Variants in DST observed in about 807,000 individuals in gnomAD.
DST encodes the protein dystonin, also known as bullous pemphigoid antigen.
DST carries 253 observed loss-of-function variants against 875.2 expected under a neutral mutation model. That is an observed-to-expected ratio of 0.29 (90% CI 0.26 to 0.32). DST has a LOEUF of 0.32. DST is among the 10% of genes least tolerant of loss of function. The pLI is 1.00. For missense variants in DST, 8,287 were observed against 9,111.6 expected (o/e 0.91, Z 3.68); for synonymous variants, 3,124 against 3,197.1 (o/e 0.98, Z 0.77).
rs181393059 is a variant in DST, at chr6:56,942,968, G to A, written c.216+10817C>T. ...ATTCCTGAGCTCAAGCAATTCTCCCGCATCTGCCTCCCAAAGTGCTGGGAT... is the reference window on the plus strand; with the variant it reads ...ATTCCTGAGCTCAAGCAATTCTCCCACATCTGCCTCCCAAAGTGCTGGGAT... On this transcript the variant is annotated intron_variant, in intron 2 of 103. Transcript: ENST00000680361. Among the ~76,000 whole-genome samples the A allele has an allele frequency of 2.8e-3, 425 of 152,022 alleles. 5 individuals carry two copies. The highest frequency in any genetic ancestry group is 0.023 in the Admixed American group (346 of 15,268).
At chr6:56,911,934 A>G (rs1032754761) in intron 2 of DST, among the ~76,000 whole-genome samples, 8 of 152,152 alleles carry the variant, frequency 5.3e-5, no homozygotes, top group Non-Finnish European at 8.8e-5. Context: ...ACTACATAAG[A>G]TTTTGTGTAG....
At chr6:56,642,197 G>A in intron 16 of DST, 96 bp from the exon 17 acceptor site, 7 of 1,125,550 alleles carry the variant, frequency 6.2e-6, no homozygotes, top group Non-Finnish European at 9.2e-6. Flanking sequence ...AGCCTACTTG[G>A]GCTTTCTTTA....
chr6:56,670,849 A>G (rs1256111865), intron 9 of DST, 42 bp from the exon 10 acceptor site: 2 of 1,407,018 alleles, frequency 1.4e-6, no homozygotes, highest in Non-Finnish European at 1.9e-6. Context: ...GAAGGAAGGA[A>G]GCTAACTCAG....
chr6:56,607,457 G>C lies in DST; in HGVS notation c.7171C>G (p.Gln2391Glu), dbSNP rs747917821. ...ANECSHSKNI[Q>E]NFPSDLIENP... ...TCTATTAAATCACTTGGAAAGTTTTGAATGTTTTTAGAATGACTACATTCA... is the reference window on the plus strand; with the variant it reads ...TCTATTAAATCACTTGGAAAGTTTTCAATGTTTTTAGAATGACTACATTCA... Residue 2391 changes from glutamine (Q) to glutamate (E), a missense_variant, in exon 40 of 104, where the codon CAA becomes GAA. Gln to Glu is a conservative substitution (Grantham distance 29). Transcript: ENST00000680361. 2 of 1,602,768 alleles carry C rather than the reference G, an allele frequency of 1.2e-6. No homozygotes were observed. Among genetic ancestry groups the C allele is most frequent in the African/African-American group, 1.3e-5 (1 of 74,740 alleles).
chr6:56,822,861 T>C (rs2099774739), intron 4 of DST, among the ~76,000 whole-genome samples: 1 of 151,922 alleles, frequency 6.6e-6, no homozygotes, highest in Admixed American at 6.6e-5. Context: ...GGAGTCTCGT[T>C]CTGTCACCCA....
chr6:56,596,007 T>TATTTATTTATTTATTTATTTA (rs773304161), intron 47 of DST, among the ~76,000 whole-genome samples: 35 of 145,892 alleles, frequency 2.4e-4, no homozygotes, highest in South Asian at 8.4e-4. Context: ...ACTTTCTTTC[T>TATTTATTTATTTATTTATTTA]TTTATTTATT....
rs112613259 is a variant in DST, at chr6:56,739,101, C to T, written c.626-3812G>A. On this transcript the variant is annotated intron_variant, in intron 4 of 103. Coordinates refer to ENST00000680361, the MANE Select transcript of DST (RefSeq NM_001374736.1). ...TCTATACCTCATTCATCTTTGTCTA[C>T]CACATACTAGATGCCACAAAGCCTC... is the stretch of plus-strand genomic sequence containing the variant. 4.6e-3 allele frequency among the ~76,000 whole-genome samples: 680 copies of T among 148,012 alleles called. 5 individuals are homozygous for T. The highest frequency in any genetic ancestry group is 0.016 in the African/African-American group (650 of 39,756).
At position 56,463,122 on chromosome 6, in the gene DST, G is replaced by A. The variant is rs1263196330; in HGVS notation, c.22994C>T (p.Pro7665Leu). ...LHPLTRNYGK[P>L]WLTNSKMSTP... is the part of the protein sequence containing the mutation. ...TGACATTTTGCTGTTTGTCAACCATGGTTTACCATAATTGCGTGTTAAAGG... is the reference window on the plus strand; with the variant it reads ...TGACATTTTGCTGTTTGTCAACCATAGTTTACCATAATTGCGTGTTAAAGG... The change falls in exon 102 of 104, where the codon CCA becomes CTA. Residue 7665 changes from proline (P) to leucine (L), a missense_variant. Physicochemically the swap from Pro to Leu is moderately conservative, Grantham distance 98. Around this residue, in one of 10 missense-constraint regions of DST, gnomAD observed 240 missense variants for 237.3 expected, o/e 1.01. Coordinates refer to ENST00000680361, the MANE Select transcript of DST (RefSeq NM_001374736.1). 2 of 1,613,232 alleles carry A rather than the reference G, an allele frequency of 1.2e-6. No homozygotes were observed. Among genetic ancestry groups the A allele is most frequent in the Non-Finnish European group, 1.7e-6 (2 of 1,179,416 alleles).
chr6:56,495,567 G>A (rs1399997647), intron 82 of DST, among the ~76,000 whole-genome samples: 1 of 151,694 alleles, frequency 6.6e-6, no homozygotes. Flanking sequence ...TATAATTAAT[G>A]GACACTGTCA....
At chr6:56,560,709 T>G (rs369658885) in intron 57 of DST, among the ~76,000 whole-genome samples, 120 of 152,282 alleles carry the variant, frequency 7.9e-4, no homozygotes, top group African/African-American at 2.7e-3. Context: ...CAAGCCACTC[T>G]GGAATAAAGC....
chr6:56,528,452 T>C (rs2096839607), intron 67 of DST, among the ~76,000 whole-genome samples: 3 of 152,236 alleles, frequency 2.0e-5, no homozygotes, highest in Admixed American at 1.3e-4. Flanking sequence ...AGCCCATGTA[T>C]AGCTATGCAC....
At chr6:56,832,867 G>C (rs2099788898) in intron 4 of DST, among the ~76,000 whole-genome samples, 1 of 152,140 alleles carries the variant, frequency 6.6e-6, no homozygotes, top group Non-Finnish European at 1.5e-5. Flanking sequence ...AGCCTCCTGA[G>C]TAGCTGGGAT....
rs2096325321 is a variant in DST, at chr6:56,506,647, G to GA, written c.19362+19dup. On this transcript the variant is annotated intron_variant, in intron 76 of 103. Coordinates refer to ENST00000680361, the MANE Select transcript of DST (RefSeq NM_001374736.1). ...CTAAAAACTTTTTAAAAGCCATTCT[G>GA]ATAAGTAAGCCAGTTGTACCTCATC... 2 of 1,612,976 alleles carry GA rather than the reference G, an allele frequency of 1.2e-6. No individual in the cohort carries two copies. The highest frequency in any genetic ancestry group is 4.5e-5 in the East Asian group (2 of 44,830).
chr6:56,604,251 T>G lies in DST; in HGVS notation c.10377A>C (p.Thr3459=). 6.2e-7 allele frequency: 1 copy of G among 1,611,014 alleles called. No individual in the cohort carries two copies. Among genetic ancestry groups the G allele is most frequent in the Non-Finnish European group, 8.5e-7 (1 of 1,178,406 alleles). The change falls in exon 40 of 104, where the codon ACA becomes ACC. Residue 3459 remains threonine, a synonymous_variant. Transcript: ENST00000680361. ...LKQDQHSQKI[T]GVFELMRELT... ...ATTCTCTCATCAATTCAAATACTCC[T>G]GTAATTTTTTGGCTATGTTGATCTT...
chr6:56,767,651 A>C (rs1316543672), intron 4 of DST, among the ~76,000 whole-genome samples: 2 of 150,056 alleles, frequency 1.3e-5, no homozygotes, highest in East Asian at 3.9e-4. Context: ...ATAAATAAAT[A>C]AATAAAACAA....
intron 4 of DST, among the ~76,000 whole-genome samples, chr6:56,798,421 C>G (rs536037839): frequency 6.6e-6 from 1 of 152,190 alleles, no homozygotes; most frequent in South Asian, 2.1e-4. Context: ...GAAAAACATG[C>G]CTGGATGACA....
In DST at chr6:56,501,755, A is replaced by G; in HGVS notation, c.19567-62T>C. 3 of 1,240,160 alleles carry G rather than the reference A, an allele frequency of 2.4e-6. No homozygotes were observed. The South Asian group carries it at 4.4e-5, about 18-fold the overall frequency. The allele number at this position is 1,240,160 out of a possible 1,614,324, so 76.8% of individuals were successfully genotyped here. On this transcript the variant is annotated intron_variant, in intron 78 of 103. Transcript: ENST00000680361. Reference sequence around the variant, plus strand: ...AAAATCACTAACTCCAAACAAAGAAATCTATTGGTTATATCATTATTCTAA... The same window carrying G: ...AAAATCACTAACTCCAAACAAAGAAGTCTATTGGTTATATCATTATTCTAA...
Position 56,459,283 on chromosome 6 carries a change from AGAGACAGCTCAC to A in DST, c.23195-28_23195-17del. ...TTCTTGGAATCTGAGGAAAGAAGGTAGAGACAGCTCACCCTTATTATTGGGTCCATCTGCAAC... is the reference window on the plus strand; with the variant it reads ...TTCTTGGAATCTGAGGAAAGAAGGTACCTTATTATTGGGTCCATCTGCAAC... On this transcript the variant is annotated splice_polypyrimidine_tract_variant and intron_variant, in intron 103 of 103. Transcript: ENST00000680361. The A allele has an allele frequency of 2.5e-6, 4 of 1,608,446 alleles. No homozygotes were observed. The highest frequency in any genetic ancestry group is 2.5e-6 in the Non-Finnish European group (3 of 1,176,908).
intron 5 of DST, among the ~76,000 whole-genome samples, chr6:56,708,773 A>T (rs1393009707): frequency 6.6e-6 from 1 of 152,202 alleles, no homozygotes; most frequent in Non-Finnish European, 1.5e-5. Flanking sequence ...TTGGGGTTCC[A>T]ATCTGATCGA....
Sources: gnomAD v4.1 joint callset for allele counts (sites outside exome capture counted in the v4.1 genomes callset) on GRCh38, gnomAD v4.1.1 for gene constraint, gnomAD v4.1.1 regional missense constraint, MANE v1.5 for transcripts, NCBI Gene and HGNC (gene_info 2026-07-23, HGNC 2026-07-21) for gene names.